CDK14: variants seen among roughly 807,000 people sequenced by gnomAD.
CDK14 encodes the protein cyclin dependent kinase 14, also known as cyclin-dependent kinase 14.
In CDK14, 34 loss-of-function variants were observed where a neutral mutation model predicts 60.7. That is an observed-to-expected ratio of 0.56 (90% CI 0.43 to 0.75). The LOEUF (loss-of-function observed/expected upper bound fraction) is 0.75, where lower values mean the gene tolerates loss of function less well. Ranked by LOEUF, CDK14 falls within the 30% of genes least tolerant of loss-of-function variation. The pLI, the probability that CDK14 is intolerant of heterozygous loss-of-function variation, is 0.00. For missense variants in CDK14, 482 were observed against 564.1 expected (o/e 0.85, Z 1.47); for synonymous variants, 197 against 203.7 (o/e 0.97, Z 0.28).
intron 12 of CDK14, among the ~76,000 whole-genome samples, chr7:91,080,004 G>A (rs1798438737): frequency 6.6e-6 from 1 of 152,072 alleles, no homozygotes; most frequent in Non-Finnish European, 1.5e-5. Context: ...TTGTTTTTGA[G>A]ATTTCATAAA....
intron 11 of CDK14, among the ~76,000 whole-genome samples, chr7:91,046,681 C>G (rs1029487669): frequency 1.3e-5 from 2 of 151,652 alleles, no homozygotes; most frequent in African/African-American, 2.4e-5. Flanking sequence ...GATTCTCTTG[C>G]TGGTTGTTGT....
chr7:90,672,401 G>T (rs1023507153), intron 2 of CDK14, among the ~76,000 whole-genome samples: 2 of 149,300 alleles, frequency 1.3e-5, no homozygotes. Context: ...AACACATGGA[G>T]TCATACAATT....
chr7:90,921,805 C>G (rs766735510), intron 8 of CDK14, among the ~76,000 whole-genome samples: 4 of 152,134 alleles, frequency 2.6e-5, no homozygotes, highest in Non-Finnish European at 5.9e-5. Flanking sequence ...TGGTTTCTTT[C>G]CCATCAGAGG....
intron 10 of CDK14, among the ~76,000 whole-genome samples, chr7:91,030,495 G>A (rs770428760): frequency 2.0e-5 from 3 of 152,088 alleles, no homozygotes; most frequent in Non-Finnish European, 4.4e-5. Flanking sequence ...AAAACACAGA[G>A]GAGGTGGCAC....
In CDK14 at chr7:90,601,806, T is replaced by A. The variant is rs1584733806; in HGVS notation, c.92-2412T>A. ...TCTCACTCTGTCGCCCAGGCTGGAG[T>A]GCAGTGGCGCAATCTTGCTCACTGC... On this transcript the variant is annotated intron_variant, in intron 1 of 14. Coordinates refer to ENST00000380050, the MANE Select transcript of CDK14 (RefSeq NM_001287135.2). 3.9e-5 allele frequency among the ~76,000 whole-genome samples: 6 copies of A among 151,938 alleles called. No homozygotes were observed. The South Asian group carries it at 1.2e-3, about 32-fold the overall frequency.
intron 11 of CDK14, among the ~76,000 whole-genome samples, chr7:91,050,408 T>C (rs1584265820): frequency 1.3e-5 from 2 of 151,258 alleles, no homozygotes; most frequent in Non-Finnish European, 3.0e-5. Flanking sequence ...GGTTTTCCCT[T>C]GGAAAAAAAA....
intron 5 of CDK14, among the ~76,000 whole-genome samples, chr7:90,837,161 A>G (rs1385008183): frequency 6.6e-6 from 1 of 152,138 alleles, no homozygotes; most frequent in Non-Finnish European, 1.5e-5. Context: ...TATGGCAATG[A>G]TTATTCCTGG....
chr7:91,105,291 A>G (rs1164434973), intron 12 of CDK14, among the ~76,000 whole-genome samples: 1 of 152,232 alleles, frequency 6.6e-6, no homozygotes, highest in East Asian at 1.9e-4. Context: ...AGGAATTGAG[A>G]TTCTCCACAC....
At chr7:91,091,244 GT>G (rs1798798046) in intron 12 of CDK14, among the ~76,000 whole-genome samples, 1 of 144,796 alleles carries the variant, frequency 6.9e-6, no homozygotes, top group Non-Finnish European at 1.5e-5. Context: ...AAATTTATCT[GT>G]AAAAAAAATA....
At chr7:91,015,679 C>T (rs868336006) in intron 10 of CDK14, among the ~76,000 whole-genome samples, 1 of 151,690 alleles carries the variant, frequency 6.6e-6, no homozygotes, top group African/African-American at 2.4e-5. Context: ...AGGCACCCGC[C>T]ACCATGCCCG....
At chr7:90,816,216 GACATA>G (rs1344746982) in intron 5 of CDK14, among the ~76,000 whole-genome samples, 1 of 152,162 alleles carries the variant, frequency 6.6e-6, no homozygotes, top group East Asian at 1.9e-4. Context: ...AACAGAGAAA[GACATA>G]ACTGCCAGGG....
At chr7:91,091,536 G>T (rs1798827900) in intron 12 of CDK14, among the ~76,000 whole-genome samples, 2 of 106,458 alleles carry the variant, frequency 1.9e-5, no homozygotes, top group East Asian at 2.2e-4. Context: ...AGGCATGGTG[G>T]CATATGCCTG....
chr7:91,119,172 T>A (rs1269989192), intron 14 of CDK14, among the ~76,000 whole-genome samples: 2 of 152,130 alleles, frequency 1.3e-5, no homozygotes, highest in Non-Finnish European at 2.9e-5. Context: ...TGTGTCTTTG[T>A]TCTGATATTC....
intron 5 of CDK14, among the ~76,000 whole-genome samples, chr7:90,833,418 T>G (rs890672071): frequency 7.2e-5 from 11 of 152,216 alleles, no homozygotes; most frequent in Admixed American, 2.0e-4. Context: ...TAAAGTTTCC[T>G]AGGGACTTTG....
intron 14 of CDK14, among the ~76,000 whole-genome samples, chr7:91,170,767 T>C (rs1338563958): frequency 6.7e-6 from 1 of 149,640 alleles, no homozygotes; most frequent in Non-Finnish European, 1.5e-5. Context: ...CTTTTTTTTT[T>C]TCTTTTTTTT....
At chr7:90,811,447 A>G (rs1789108516) in intron 5 of CDK14, among the ~76,000 whole-genome samples, 1 of 152,282 alleles carries the variant, frequency 6.6e-6, no homozygotes, top group South Asian at 2.1e-4. Flanking sequence ...CCTTCCTTAC[A>G]CCTTATACAA....
At chr7:91,075,756 G>A (rs1798285806) in intron 11 of CDK14, among the ~76,000 whole-genome samples, 2 of 152,014 alleles carry the variant, frequency 1.3e-5, no homozygotes, top group South Asian at 2.1e-4. Context: ...AGCTGATAAG[G>A]AACTTCAGCA....
chr7:91,049,726 C>T (rs999381667), intron 11 of CDK14, among the ~76,000 whole-genome samples: 2 of 152,100 alleles, frequency 1.3e-5, no homozygotes, highest in African/African-American at 4.8e-5. Flanking sequence ...TAGTTAATGT[C>T]TATGAAATAA....
intron 2 of CDK14, among the ~76,000 whole-genome samples, chr7:90,718,748 T>C (rs1802339693): frequency 6.6e-6 from 1 of 152,066 alleles, no homozygotes. Flanking sequence ...CGCATACTAT[T>C]AGGGAGAAAA....
Sources: allele counts gnomAD v4.1 joint callset (sites outside exome capture counted in the v4.1 genomes callset), GRCh38; gene constraint gnomAD v4.1.1; transcripts MANE v1.5; gene names NCBI Gene and HGNC (gene_info 2026-07-23, HGNC 2026-07-21).